CALN1: variants seen among roughly 807,000 people sequenced by gnomAD.
CALN1 encodes the protein calcium-binding protein 8.
CALN1 carries 17 observed loss-of-function variants against 30.6 expected under a neutral mutation model. The ratio of observed to expected loss-of-function variants is 0.56; its 90% CI spans 0.38 to 0.83. The LOEUF (loss-of-function observed/expected upper bound fraction) is 0.83, where lower values mean the gene tolerates loss of function less well. Ranked by LOEUF, CALN1 falls within the 40% of genes least tolerant of loss-of-function variation. The pLI, the probability that CALN1 is intolerant of heterozygous loss-of-function variation, is 0.00. For synonymous variants in CALN1, 156 were observed against 131.4 expected, an observed-to-expected ratio of 1.19 and a Z score of -1.28; for missense variants, 291 against 354.9, an observed-to-expected ratio of 0.82 and a Z score of 1.45.
chr7:71,930,903 C>A (rs1795516432), intron 5 of CALN1, among the ~76,000 whole-genome samples: 1 of 152,158 alleles, frequency 6.6e-6, no homozygotes, highest in Non-Finnish European at 1.5e-5. Flanking sequence ...TCTCTGACTT[C>A]TTTGTCTAAT....
rs550729827 is a variant in CALN1 at position 71,822,495 on chromosome 7, G to A, written c.502-12003C>T. ...ACTCCCGACCTCAGGTCATCTGCCC[G>A]TCTTGGCCTCCCAAAGTGCTGGGAT... On this transcript the variant is annotated intron_variant, in intron 5 of 6. Coordinates refer to ENST00000395275, the MANE Select transcript of CALN1 (RefSeq NM_031468.4). Among the ~76,000 whole-genome samples, 10 of 152,316 alleles carry A rather than the reference G, an allele frequency of 6.6e-5. No homozygotes were observed. The South Asian group carries it at 1.2e-3, about 19-fold the overall frequency.
At chr7:72,421,031 A>G (rs185112735) in intron 1 of CALN1, among the ~76,000 whole-genome samples, 33 of 152,288 alleles carry the variant, frequency 2.2e-4, no homozygotes, top group Non-Finnish European at 3.8e-4. Context: ...AAACCCGGGC[A>G]GGTTCTTACT....
chr7:72,496,401 A>T, the CALN1 span, among the ~76,000 whole-genome samples: 2 of 152,248 alleles, frequency 1.3e-5, no homozygotes, highest in Non-Finnish European at 2.9e-5. Flanking sequence ...GTTGATAACA[A>T]CTGTAAACAA....
chr7:72,255,635 T>C (rs2129552381), intron 3 of CALN1, among the ~76,000 whole-genome samples: 1 of 150,218 alleles, frequency 6.7e-6, no homozygotes, highest in African/African-American at 2.5e-5. Context: ...AGGCTGGTCT[T>C]GAACTCCTGA....
At chr7:72,172,790 C>A (rs1039685460) in intron 3 of CALN1, among the ~76,000 whole-genome samples, 1 of 152,042 alleles carries the variant, frequency 6.6e-6, no homozygotes, top group Non-Finnish European at 1.5e-5. Context: ...GGGTAATTTC[C>A]TCAGTCTGAT....
At position 72,106,131 on chromosome 7, in the gene CALN1, G is replaced by A. The variant is rs535985456; in HGVS notation, c.388+20C>T. ...GACCGGGGCATGTCTCAGGGGAGAA[G>A]CTGCTTGTCCGGGTCTTACCGTCCA... On this transcript the variant is annotated intron_variant, in intron 4 of 6. Coordinates refer to ENST00000395275, the MANE Select transcript of CALN1 (RefSeq NM_031468.4). 10 of 1,611,750 alleles carry A rather than the reference G, an allele frequency of 6.2e-6. No homozygotes were observed. The highest frequency in any genetic ancestry group is 5.0e-5 in the Admixed American group (3 of 59,848).
chr7:72,005,157 T>C (rs1799705100), intron 5 of CALN1, among the ~76,000 whole-genome samples: 1 of 151,440 alleles, frequency 6.6e-6, no homozygotes, highest in Non-Finnish European at 1.5e-5. Context: ...CCTGGAGAAA[T>C]GGAAACATGT....
chr7:71,909,693 GTTAC>G (rs1794324989), intron 5 of CALN1, among the ~76,000 whole-genome samples: 1 of 152,128 alleles, frequency 6.6e-6, no homozygotes, highest in South Asian at 2.1e-4. Flanking sequence ...TTCTCCCCAA[GTTAC>G]ACAGGGGACG....
chr7:72,181,548 G>A (rs10258574), intron 3 of CALN1, among the ~76,000 whole-genome samples: 64,865 of 150,300 alleles, frequency 0.43, 15,267 homozygotes, highest in East Asian at 0.96. Context: ...GCATGGTCTC[G>A]GCTCATTGCA....
intron 5 of CALN1, among the ~76,000 whole-genome samples, chr7:71,896,364 T>C (rs891129616): frequency 1.3e-5 from 2 of 152,160 alleles, no homozygotes; most frequent in Admixed American, 1.3e-4. Context: ...AGAGAACTTC[T>C]TTCTTTCTTA....
chr7:72,009,123 A>G lies in CALN1; in HGVS notation c.501+14534T>C, dbSNP rs150772459. 5.8e-3 allele frequency among the ~76,000 whole-genome samples: 887 copies of G among 152,346 alleles called. 11 individuals carry two copies. Among genetic ancestry groups the G allele is most frequent in the African/African-American group, 0.02 (839 of 41,576 alleles). On this transcript the variant is annotated intron_variant, in intron 5 of 6. Transcript: ENST00000395275. Reference sequence around the variant, plus strand: ...CTCAAAAAAATGAGAACAAAACAAAAAAGCAGTTTATGAACTAGCAAGCCT... The same window carrying G: ...CTCAAAAAAATGAGAACAAAACAAAGAAGCAGTTTATGAACTAGCAAGCCT...
At chr7:72,188,073 A>G (rs540545536) in intron 3 of CALN1, among the ~76,000 whole-genome samples, 1 of 152,184 alleles carries the variant, frequency 6.6e-6, no homozygotes, top group Non-Finnish European at 1.5e-5. Flanking sequence ...GAGATTTCTT[A>G]AAGAACTGAA....
the CALN1 span, among the ~76,000 whole-genome samples, chr7:72,467,385 G>T: frequency 1.3e-5 from 2 of 152,210 alleles, no homozygotes; most frequent in South Asian, 4.1e-4. Context: ...CAGCTAGGCT[G>T]TCAGCTCGGG....
intron 5 of CALN1, among the ~76,000 whole-genome samples, chr7:71,848,043 G>A (rs756013823): frequency 7.9e-5 from 12 of 152,036 alleles, no homozygotes; most frequent in Non-Finnish European, 1.2e-4. Flanking sequence ...AGAAATACCC[G>A]CAATAGTGTT....
intron 5 of CALN1, among the ~76,000 whole-genome samples, chr7:71,882,038 T>A (rs1015083424): frequency 1.1e-4 from 16 of 152,128 alleles, no homozygotes. Context: ...GCTACTGGAC[T>A]CCAGCCTGAC....
intron 3 of CALN1, among the ~76,000 whole-genome samples, chr7:72,133,368 C>A (rs1429755937): frequency 1.3e-5 from 2 of 152,102 alleles, no homozygotes; most frequent in Non-Finnish European, 2.9e-5. Flanking sequence ...AGCTTATAAT[C>A]TGTTGAATAA....
At chr7:72,214,904 C>T (rs1346180299) in intron 3 of CALN1, among the ~76,000 whole-genome samples, 1 of 151,696 alleles carries the variant, frequency 6.6e-6, no homozygotes, top group Non-Finnish European at 1.5e-5. Context: ...GCCTAATGAT[C>T]TGTCACCGTC....
At chr7:72,407,219 CTT>C (rs755975401) in intron 1 of CALN1, among the ~76,000 whole-genome samples, 3 of 152,232 alleles carry the variant, frequency 2.0e-5, no homozygotes, top group Non-Finnish European at 4.4e-5. Flanking sequence ...GGGCAAGTGA[CTT>C]AACCTCTCTG....
At chr7:72,423,951 AAGGGAGGGAGGGAGGG>A (rs201015686) in intron 1 of CALN1, among the ~76,000 whole-genome samples, 15 of 104,070 alleles carry the variant, frequency 1.4e-4, no homozygotes, top group Non-Finnish European at 2.2e-4. Context: ...AGAAAGAAAG[AAGGGAGGGAGGGAGGG>A]AGGGAGGGAG....
Sources: gnomAD v4.1 joint callset for allele counts (sites outside exome capture counted in the v4.1 genomes callset) on GRCh38, gnomAD v4.1.1 for gene constraint, MANE v1.5 for transcripts, NCBI Gene and HGNC (gene_info 2026-07-23, HGNC 2026-07-21) for gene names.